MAST2: variants seen among roughly 807,000 people sequenced by gnomAD.
MAST2 encodes the protein microtubule associated serine/threonine kinase 2, also known as microtubule-associated serine/threonine-protein kinase 2.
A neutral mutation model predicts 147.4 loss-of-function variants in MAST2; 70 were observed. That is an observed-to-expected ratio of 0.47 (90% CI 0.39 to 0.58). MAST2 has a LOEUF of 0.58. MAST2 is among the 20% of genes least tolerant of loss of function. MAST2 has a pLI of 0.00. For synonymous variants in MAST2, 869 were observed against 896.8 expected (o/e 0.97, Z 0.55); for missense variants, 2,080 against 2,302.3 (o/e 0.90, Z 1.98).
chr1:45,998,509 T>G (rs1450087694), intron 6 of MAST2, among the ~76,000 whole-genome samples: 2 of 152,236 alleles, frequency 1.3e-5, no homozygotes, highest in Non-Finnish European at 2.9e-5. Flanking sequence ...ATCACATACC[T>G]AGGCTCTATA....
At chr1:46,032,044 G>C (rs546205286) in intron 24 of MAST2, 134 bp from the exon 25 acceptor site, 17 of 703,380 alleles carry the variant, frequency 2.4e-5, no homozygotes, top group Non-Finnish European at 2.3e-5. Flanking sequence ...GGCTTCACAG[G>C]TCAGGGGCTG....
chr1:45,988,035 CAT>C (rs2149100016), intron 5 of MAST2, among the ~76,000 whole-genome samples: 1 of 151,986 alleles, frequency 6.6e-6, no homozygotes, highest in African/African-American at 2.4e-5. Context: ...ATTAAAAAGA[CAT>C]AGTCTTGCTC....
chr1:46,031,121 G>A lies in MAST2; in HGVS notation c.2823G>A (p.Glu941=). The A allele has an allele frequency of 1.2e-6, 2 of 1,611,154 alleles. No homozygotes were observed. The highest frequency in any genetic ancestry group is 1.7e-6 in the Non-Finnish European group (2 of 1,178,028). Residue 941 remains glutamate (E), a synonymous_variant, in exon 23 of 29, where the codon GAG becomes GAA. Transcript: ENST00000361297. The surrounding 1 kb of genome is among the most constrained non-coding windows in gnomAD (Gnocchi z 4.1). ...TCCTGGATGCGCCTCGGTTCCCGGA[G>A]GGCCCTGAGGAGGCCAGCAGCACCC... ...SGLLDAPRFP[E]GPEEASSTLR...
At chr1:45,804,128 G>C in intron 1 of MAST2, 56 bp downstream of exon 1, 2 of 1,261,704 alleles carry the variant, frequency 1.6e-6, no homozygotes, top group African/African-American at 3.1e-5. Context: ...TGGGGGAGGG[G>C]ATCTTCGGCG....
Position 46,029,570 on chromosome 1 carries a change from AG to A in MAST2, c.2320+6del. Reference sequence around the variant, plus strand: ...CCCTCTGGAGAGACTTGGCACAGGTAGGGCAGGCCCTGCTAACTTTTCTCAC... The same window carrying A: ...CCCTCTGGAGAGACTTGGCACAGGTAGGCAGGCCCTGCTAACTTTTCTCAC... On this transcript the variant is annotated splice_donor_region_variant and intron_variant, in intron 19 of 28. Transcript: ENST00000361297. 6.2e-7 allele frequency: 1 copy of A among 1,613,178 alleles called. No homozygotes were observed. Among genetic ancestry groups the A allele is most frequent in the Non-Finnish European group, 8.5e-7 (1 of 1,179,482 alleles).
At chr1:45,804,188 G>A (rs1644071376) in intron 1 of MAST2, 116 bp downstream of exon 1, 1 of 1,182,576 alleles carries the variant, frequency 8.5e-7, no homozygotes, top group African/African-American at 1.6e-5. Flanking sequence ...GTAGTTCGCG[G>A]GGAGGAGTGG....
intron 3 of MAST2, among the ~76,000 whole-genome samples, chr1:45,841,183 G>A (rs1171599364): frequency 1.3e-5 from 2 of 151,920 alleles, no homozygotes; most frequent in Non-Finnish European, 1.5e-5. Context: ...CAAACTTCTG[G>A]GCTCAACCAA....
At chr1:45,826,365 T>C (rs1224802063) in intron 2 of MAST2, among the ~76,000 whole-genome samples, 1 of 152,076 alleles carries the variant, frequency 6.6e-6, no homozygotes, top group Non-Finnish European at 1.5e-5. Flanking sequence ...ATACCTCACT[T>C]TTTTTTGAGA....
intron 10 of MAST2, among the ~76,000 whole-genome samples, chr1:46,011,615 A>T (rs1645718180): frequency 6.6e-6 from 1 of 152,180 alleles, no homozygotes; most frequent in Admixed American, 6.5e-5. Flanking sequence ...CATGTTATCC[A>T]TTAATACAGT....
At position 45,871,613 on chromosome 1, in the gene MAST2, C is replaced by T. The variant is rs534817891; in HGVS notation, c.469-10751C>T. On this transcript the variant is annotated intron_variant, in intron 3 of 28. Transcript: ENST00000361297. Reference sequence around the variant, plus strand: ...CCCCTCTGCTTAGCTCAGCAGAACACGCATTCTATTTTTAAGAATGAGATG... The same window carrying T: ...CCCCTCTGCTTAGCTCAGCAGAACATGCATTCTATTTTTAAGAATGAGATG... Among the ~76,000 whole-genome samples the T allele has an allele frequency of 2.2e-4, 33 of 152,288 alleles. No individual in the cohort carries two copies. In the South Asian group the frequency reaches 4.8e-3, roughly 22 times the overall value.
intron 1 of MAST2, among the ~76,000 whole-genome samples, chr1:45,810,641 A>G (rs11211192): frequency 0.8 from 119,472 of 150,044 alleles, 48,021 homozygotes; most frequent in East Asian, 0.98. Flanking sequence ...ATGAAACCCC[A>G]TCTCTACTAA....
intron 5 of MAST2, among the ~76,000 whole-genome samples, chr1:45,996,103 G>A (rs1645046154): frequency 2.0e-5 from 3 of 151,016 alleles, no homozygotes; most frequent in South Asian, 2.1e-4. Context: ...TTCCCCTCTC[G>A]GTGTTAGCTA....
At position 46,035,609 on chromosome 1, in the gene MAST2, G is replaced by T; in HGVS notation, c.4940G>T (p.Ser1647Ile). ...CCCACCAGCAGTTGCTCTCCTCCCA[G>T]CTCCACCTCTGGGAAGCTGAGCATG... ...LTPTSSCSPP[S>I]STSGKLSMWS... Residue 1647 changes from serine (S) to isoleucine (I), a missense_variant, in exon 29 of 29, where the codon AGC becomes ATC. Physicochemically the swap from Ser to Ile is moderately radical, Grantham distance 142 (BLOSUM62 -2). Transcript: ENST00000361297. The surrounding 1 kb of genome is among the most constrained non-coding windows in gnomAD (Gnocchi z 5.5). The T allele has an allele frequency of 6.2e-7, 1 of 1,613,860 alleles. No individual in the cohort carries two copies. The highest frequency in any genetic ancestry group is 8.5e-7 in the Non-Finnish European group (1 of 1,179,996).
At chr1:45,981,840 T>A (rs13374954) in intron 5 of MAST2, among the ~76,000 whole-genome samples, 1 of 142,954 alleles carries the variant, frequency 7.0e-6, no homozygotes, top group African/African-American at 2.7e-5. Context: ...ATGGTGGTAA[T>A]TTTGGCTTTT....
chr1:45,860,201 TACACACACACACAC>T (rs777498021), intron 3 of MAST2, among the ~76,000 whole-genome samples: 124 of 144,124 alleles, frequency 8.6e-4, no homozygotes, highest in Middle Eastern at 3.4e-3. Context: ...CTACTAAAAA[TACACACACACACAC>T]ACACACACAC....
intron 3 of MAST2, among the ~76,000 whole-genome samples, chr1:45,863,910 C>T (rs1304992337): frequency 6.6e-6 from 1 of 152,128 alleles, no homozygotes; most frequent in African/African-American, 2.4e-5. Flanking sequence ...TATAATGCTG[C>T]CTTCACTAAC....
chr1:45,837,275 T>A lies in MAST2; in HGVS notation c.468+7694T>A, dbSNP rs1309339541. Among the ~76,000 whole-genome samples the A allele has an allele frequency of 3.3e-5, 5 of 152,344 alleles. No individual in the cohort carries two copies. In the East Asian group the frequency reaches 5.8e-4, roughly 18 times the overall value. On this transcript the variant is annotated intron_variant, in intron 3 of 28. Transcript: ENST00000361297. ...TCGCTTGTGTCCCTTTGCTGTCTGT[T>A]CTCTCTCCCCAGGCCCAGCCTTTGG...
At position 45,997,700 on chromosome 1, in the gene MAST2, T is replaced by G. The variant is rs531035400; in HGVS notation, c.593-24T>G. Reference sequence around the variant, plus strand: ...CTCCTCACAAGCAAACCTCACAGAGTTTTGTTTCTTTTCCCATCCACAGGT... The same window carrying G: ...CTCCTCACAAGCAAACCTCACAGAGGTTTGTTTCTTTTCCCATCCACAGGT... On this transcript the variant is annotated intron_variant, in intron 5 of 28. Coordinates refer to ENST00000361297, the MANE Select transcript of MAST2 (RefSeq NM_015112.3). 58 of 1,593,880 alleles carry G rather than the reference T, an allele frequency of 3.6e-5. No homozygotes were observed. In the African/African-American group the frequency reaches 6.6e-4, roughly 18 times the overall value.
At chr1:45,938,722 CTAAT>C (rs1656667837) in intron 4 of MAST2, among the ~76,000 whole-genome samples, 1 of 152,216 alleles carries the variant, frequency 6.6e-6, no homozygotes, top group South Asian at 2.1e-4. Context: ...CTCACCAGCA[CTAAT>C]TACTCTCTCT....
Sources: gnomAD v4.1 joint callset for allele counts (sites outside exome capture counted in the v4.1 genomes callset) on GRCh38, gnomAD v4.1.1 for gene constraint, Gnocchi (gnomAD v3.1) non-coding constraint, MANE v1.5 for transcripts, NCBI Gene and HGNC (gene_info 2026-07-23, HGNC 2026-07-21) for gene names.